Variants in MAP2K1 observed in about 807,000 individuals in gnomAD.
MAP2K1 encodes mitogen-activated protein kinase kinase 1.
MAP2K1 carries 16 observed loss-of-function variants against 46.3 expected under a neutral mutation model. The observed-to-expected ratio is 0.35, with a 90% CI of 0.23 to 0.52. The LOEUF is 0.52. MAP2K1 is among the 20% of genes least tolerant of loss of function. MAP2K1 has a pLI of 0.94. For missense variants in MAP2K1, 263 were observed against 497.1 expected (o/e 0.53, Z 4.48); for synonymous variants, 183 against 185.6 (o/e 0.99, Z 0.11).
rs2140668292 is a variant in MAP2K1, at chr15:66,481,863, C to T, written c.677C>T (p.Thr226Ile). 6.2e-7 allele frequency: 1 copy of T among 1,613,986 alleles called. No homozygotes were observed. Among genetic ancestry groups the T allele is most frequent in the Non-Finnish European group, 8.5e-7 (1 of 1,179,930 alleles). The change falls in exon 6 of 11, where the codon ACA (threonine) becomes ATA (isoleucine). Residue 226 changes from threonine (T) to isoleucine (I), a missense_variant. Physicochemically the swap from Thr to Ile is moderately conservative, Grantham distance 89. Coordinates refer to ENST00000307102, the MANE Select transcript of MAP2K1 (RefSeq NM_002755.4). ...IDSMANSFVGTRSYMSPERLQ... is the reference protein window; with the variant it reads ...IDSMANSFVGIRSYMSPERLQ... Reference sequence around the variant, plus strand: ...TCCATGGCCAACTCCTTCGTGGGCACAAGGTCCTACATGTCGGTATGAACA... The same window carrying T: ...TCCATGGCCAACTCCTTCGTGGGCATAAGGTCCTACATGTCGGTATGAACA...
At chr15:66,428,731 T>TAATTGCA (rs2093466595) in intron 1 of MAP2K1, among the ~76,000 whole-genome samples, 1 of 151,170 alleles carries the variant, frequency 6.6e-6, no homozygotes, top group African/African-American at 2.4e-5. Context: ...TCCTAATTTA[T>TAATTGCA]AATTGCAAAG....
chr15:66,413,927 T>C (rs1043668825), intron 1 of MAP2K1, among the ~76,000 whole-genome samples: 1 of 149,826 alleles, frequency 6.7e-6, no homozygotes, highest in African/African-American at 2.4e-5. Context: ...TTTTTTTTTT[T>C]CCTGTAACCT....
In MAP2K1 at chr15:66,453,689, C is replaced by T. The variant is rs1207947051; in HGVS notation, c.568+8982C>T. On this transcript the variant is annotated intron_variant, in intron 5 of 10. Coordinates refer to ENST00000307102, the MANE Select transcript of MAP2K1 (RefSeq NM_002755.4). ...TGATGAAATTTCAACTTCATTTATT[C>T]TTCTGTCCTTGAGGAAAAGTGGGGA... is the stretch of plus-strand genomic sequence containing the variant. 1.5e-5 allele frequency: 9 copies of T among 596,812 alleles called. No homozygotes were observed. In the Admixed American group the frequency reaches 2.5e-4, roughly 17 times the overall value. 37.0% of individuals were successfully genotyped at this position (596,812 alleles called of 1,614,324 possible). A position where few individuals can be genotyped will look rare whatever the true frequency, so the allele number is the denominator to read the frequency against.
At chr15:66,454,610 A>C (rs1271211650) in intron 5 of MAP2K1, among the ~76,000 whole-genome samples, 1 of 152,118 alleles carries the variant, frequency 6.6e-6, no homozygotes, top group Middle Eastern at 3.2e-3. Context: ...TCTGGCTGGG[A>C]GCGGTGGCTC....
At chr15:66,477,846 AC>A (rs1368860956) in intron 5 of MAP2K1, among the ~76,000 whole-genome samples, 2 of 151,900 alleles carry the variant, frequency 1.3e-5, no homozygotes, top group Non-Finnish European at 2.9e-5. Context: ...GCGCTGTCAC[AC>A]CCCTTACCCT....
At position 66,387,069 on chromosome 15, in the gene MAP2K1, G is replaced by A. The variant is rs984900872; in HGVS notation, c.-279G>A. 5.1e-6 allele frequency: 2 copies of A among 392,116 alleles called. No homozygotes were observed. The highest frequency in any genetic ancestry group is 4.2e-5 in the African/African-American group (2 of 47,954). 24.3% of individuals were successfully genotyped at this position (392,116 alleles called of 1,614,324 possible). On this transcript the variant is annotated 5_prime_UTR_variant, in exon 1 of 11. Coordinates refer to ENST00000307102, the MANE Select transcript of MAP2K1 (RefSeq NM_002755.4). Reference sequence around the variant, plus strand: ...GAGAGAGAGAGGAAGGGAATCCCGGGCTGCCGAACCGCACGTTCAGCCCGC... The same window carrying A: ...GAGAGAGAGAGGAAGGGAATCCCGGACTGCCGAACCGCACGTTCAGCCCGC...
intron 5 of MAP2K1, among the ~76,000 whole-genome samples, chr15:66,475,866 A>G (rs1206796927): frequency 6.6e-6 from 1 of 152,166 alleles, no homozygotes. Flanking sequence ...CTCTTAGCTC[A>G]GTGCAGATAC....
chr15:66,387,213 C>A lies in MAP2K1; in HGVS notation c.-135C>A, dbSNP rs2093343286. The A allele has an allele frequency of 7.8e-6, 5 of 643,752 alleles. No individual in the cohort carries two copies. In the Admixed American group the frequency reaches 1.9e-4, roughly 24 times the overall value. The allele number at this position is 643,752 out of a possible 1,614,324, so 39.9% of individuals were successfully genotyped here. A position where few individuals can be genotyped will look rare whatever the true frequency, so the allele number is the denominator to read the frequency against. On this transcript the variant is annotated 5_prime_UTR_variant, in exon 1 of 11. Coordinates refer to ENST00000307102, the MANE Select transcript of MAP2K1 (RefSeq NM_002755.4). ...TCGGCGCTGACGGGACCGCGCGGGG[C>A]GCACCCGCTGAAGGCAGCCCCGGGG...
chr15:66,455,121 G>A (rs1403579649), intron 5 of MAP2K1, among the ~76,000 whole-genome samples: 1 of 152,136 alleles, frequency 6.6e-6, no homozygotes, highest in Non-Finnish European at 1.5e-5. Context: ...TCCCAGAGGG[G>A]TCCAGAGTCA....
At chr15:66,456,463 A>T (rs1354007410) in intron 5 of MAP2K1, among the ~76,000 whole-genome samples, 5 of 152,184 alleles carry the variant, frequency 3.3e-5, no homozygotes, top group Admixed American at 3.3e-4. Context: ...GATGAATATG[A>T]GGTTGAAATG....
chr15:66,481,633 TGGC>T, intron 5 of MAP2K1, 119 bp from the exon 6 acceptor site: 1 of 1,125,472 alleles, frequency 8.9e-7, no homozygotes. Flanking sequence ...CTGCCTCTGA[TGGC>T]GGACGGGGGT....
chr15:66,457,391 A>G (rs974402669), intron 5 of MAP2K1, among the ~76,000 whole-genome samples: 2 of 152,140 alleles, frequency 1.3e-5, no homozygotes, highest in African/African-American at 2.4e-5. Flanking sequence ...AAGTGCTGGG[A>G]TTACAGGCAT....
At chr15:66,421,279 G>A (rs965812863) in intron 1 of MAP2K1, among the ~76,000 whole-genome samples, 14 of 151,884 alleles carry the variant, frequency 9.2e-5, no homozygotes, top group Middle Eastern at 3.4e-3. Flanking sequence ...GAGACTACAG[G>A]TGCATGCCAC....
At chr15:66,427,870 C>T (rs1270806318) in intron 1 of MAP2K1, among the ~76,000 whole-genome samples, 1 of 151,952 alleles carries the variant, frequency 6.6e-6, no homozygotes, top group Non-Finnish European at 1.5e-5. Flanking sequence ...AAAAATTAGC[C>T]GGGCGTGGTG....
intron 1 of MAP2K1, among the ~76,000 whole-genome samples, chr15:66,421,261 A>C (rs977955496): frequency 1.2e-4 from 18 of 151,782 alleles, no homozygotes; most frequent in Admixed American, 3.9e-4. Context: ...TTGGCCCCCC[A>C]AGTAGTTGAG....
chr15:66,435,339 T>C lies in MAP2K1; in HGVS notation c.291+102T>C, dbSNP rs1219386562. ...AGACTGATTTTACTCAATACCTTTT[T>C]GTGCTGTTTGAATTTTTTTTTTTTT... On this transcript the variant is annotated intron_variant, in intron 2 of 10. Coordinates refer to ENST00000307102, the MANE Select transcript of MAP2K1 (RefSeq NM_002755.4). The C allele has an allele frequency of 5.2e-6, 5 of 960,750 alleles. No individual in the cohort carries two copies. In the African/African-American group the frequency reaches 9.5e-5, roughly 18 times the overall value. The allele number at this position is 960,750 out of a possible 1,614,324, so 59.5% of individuals were successfully genotyped here.
chr15:66,399,895 A>G (rs1056020458), intron 1 of MAP2K1, among the ~76,000 whole-genome samples: 1 of 152,064 alleles, frequency 6.6e-6, no homozygotes. Context: ...ATGCCTGGCT[A>G]TCGCCCAGCT....
chr15:66,417,010 G>A (rs895689507), intron 1 of MAP2K1, among the ~76,000 whole-genome samples: 5 of 152,158 alleles, frequency 3.3e-5, no homozygotes, highest in African/African-American at 1.2e-4. Flanking sequence ...CCACCCCAAG[G>A]CTGAGGAGCA....
chr15:66,401,792 G>A lies in MAP2K1; in HGVS notation c.80+14365G>A, dbSNP rs187903169. On this transcript the variant is annotated intron_variant, in intron 1 of 10. Transcript: ENST00000307102. ...CAGTTGAACTGGGTCTTGAAGGATG[G>A]CTAGGATTCCATGGGAATGGAGGGG... is the stretch of plus-strand genomic sequence containing the variant. 446 of 520,900 alleles carry A rather than the reference G, an allele frequency of 8.6e-4. 3 individuals carry two copies. Among genetic ancestry groups the A allele is most frequent in the African/African-American group, 7.6e-3 (406 of 53,426 alleles). The allele number at this position is 520,900 out of a possible 1,614,324, so 32.3% of individuals were successfully genotyped here. A position where few individuals can be genotyped will look rare whatever the true frequency, so the allele number is the denominator to read the frequency against.
Sources: allele counts gnomAD v4.1 joint callset (sites outside exome capture counted in the v4.1 genomes callset), GRCh38; gene constraint gnomAD v4.1.1; transcripts MANE v1.5; gene names NCBI Gene and HGNC (gene_info 2026-07-23, HGNC 2026-07-21).